Variants in CDK13 observed in about 807,000 individuals in gnomAD.
CDK13 encodes the protein cyclin-dependent kinase 13.
In CDK13, 40 loss-of-function variants were observed where a neutral mutation model predicts 137.6. That is an observed-to-expected ratio of 0.29 (90% CI 0.23 to 0.38). The LOEUF (loss-of-function observed/expected upper bound fraction) is 0.38. Ranked by LOEUF, CDK13 falls within the 10% of genes least tolerant of loss-of-function variation. CDK13 has a pLI of 1.00. For missense variants in CDK13, 1,704 were observed against 1,951.8 expected (o/e 0.87, Z 2.39); for synonymous variants, 869 against 760.1 (o/e 1.14, Z -2.36).
At chr7:40,027,655 C>CTTTTTTTTT in intron 5 of CDK13, among the ~76,000 whole-genome samples, 1 of 89,714 alleles carries the variant, frequency 1.1e-5, no homozygotes, top group Non-Finnish European at 2.1e-5. Flanking sequence ...CACCCTTGGG[C>CTTTTTTTTT]TTTTTTTTTT....
At chr7:39,987,211 C>G (rs937241855) in intron 1 of CDK13, 1 of 161,908 alleles carries the variant, frequency 6.2e-6, no homozygotes, top group Non-Finnish European at 1.3e-5. Flanking sequence ...TCTGAACTTA[C>G]AGTTGAGGAA....
intron 12 of CDK13, among the ~76,000 whole-genome samples, chr7:40,091,862 T>C (rs1786932161): frequency 6.6e-6 from 1 of 152,226 alleles, no homozygotes; most frequent in East Asian, 1.9e-4. Context: ...TCATCTGTGA[T>C]TATGGGAATT....
intron 5 of CDK13, among the ~76,000 whole-genome samples, chr7:40,036,798 A>T (rs1019589144): frequency 2.6e-5 from 4 of 152,094 alleles, no homozygotes; most frequent in African/African-American, 2.4e-5. Flanking sequence ...GAGACAATAG[A>T]TAATGAAATT....
intron 5 of CDK13, among the ~76,000 whole-genome samples, chr7:40,044,620 T>G (rs1436786962): frequency 6.6e-6 from 1 of 151,434 alleles, no homozygotes; most frequent in African/African-American, 2.4e-5. Context: ...CGCCCGGCTG[T>G]CTTTTGCTTT....
At chr7:40,044,000 G>T (rs1785676890) in intron 5 of CDK13, among the ~76,000 whole-genome samples, 1 of 150,824 alleles carries the variant, frequency 6.6e-6, no homozygotes, top group African/African-American at 2.4e-5. Context: ...TGGTTCAAGT[G>T]ATTCTTCTGC....
At chr7:40,028,807 A>G (rs752131562) in intron 5 of CDK13, among the ~76,000 whole-genome samples, 5 of 151,940 alleles carry the variant, frequency 3.3e-5, no homozygotes, top group Non-Finnish European at 5.9e-5. Context: ...TACTATGACC[A>G]CAGTAATGCA....
chr7:39,966,378 C>G (rs541898544), intron 1 of CDK13, among the ~76,000 whole-genome samples: 40 of 152,262 alleles, frequency 2.6e-4, no homozygotes, highest in Admixed American at 1.4e-3. Flanking sequence ...ATCACTGATA[C>G]CCTTTCTTCC....
chr7:40,049,411 T>C (rs915787967), intron 7 of CDK13, among the ~76,000 whole-genome samples: 4 of 151,510 alleles, frequency 2.6e-5, no homozygotes, highest in African/African-American at 9.7e-5. Flanking sequence ...ATGAGTGTTT[T>C]TTTTTTTTTG....
intron 1 of CDK13, among the ~76,000 whole-genome samples, chr7:39,987,388 C>T (rs981265346): frequency 3.3e-5 from 5 of 152,024 alleles, no homozygotes; most frequent in East Asian, 1.9e-4. Context: ...TAGACCAGAG[C>T]GAGATCAGGG....
At chr7:40,005,227 T>A (rs551861165) in intron 5 of CDK13, among the ~76,000 whole-genome samples, 98 of 151,550 alleles carry the variant, frequency 6.5e-4, no homozygotes, top group Non-Finnish European at 1.2e-3. Context: ...AACTTAGCTT[T>A]ACTTAAAAAT....
At chr7:40,007,239 C>G (rs915600126) in intron 5 of CDK13, among the ~76,000 whole-genome samples, 21 of 152,192 alleles carry the variant, frequency 1.4e-4, no homozygotes, top group Admixed American at 7.2e-4. Flanking sequence ...TCCTAAAAAT[C>G]AAGAAGACAG....
chr7:40,095,070 A>G lies in CDK13; in HGVS notation c.*90A>G, dbSNP rs189992208. On this transcript the variant is annotated 3_prime_UTR_variant, in exon 14 of 14. Transcript: ENST00000181839. ...CAGCAATCCAAGAGACTTGAATAAT[A>G]ATAATTCAACAACAGCTTTATTTTT... is the stretch of plus-strand genomic sequence containing the variant. 2 of 1,129,300 alleles carry G rather than the reference A, an allele frequency of 1.8e-6. No homozygotes were observed. Among genetic ancestry groups the G allele is most frequent in the Admixed American group, 3.0e-5 (1 of 33,468 alleles). The allele number at this position is 1,129,300 out of a possible 1,614,324, so 70.0% of individuals were successfully genotyped here. A position where few individuals can be genotyped will look rare whatever the true frequency, so the allele number is the denominator to read the frequency against.
At chr7:40,069,263 TAAA>T (rs1481685067) in intron 9 of CDK13, 1 of 446,948 alleles carries the variant, frequency 2.2e-6, no homozygotes, top group Admixed American at 2.6e-5. Context: ...CAACAAAACA[TAAA>T]AAGATGCTTC....
rs548518221 is a variant in CDK13 at position 39,963,816 on chromosome 7, GT to G, written c.1211+11969del. ...TCCATCAATACCTAATTTATTGAGA[GT>G]TTTTAGCATGAAGCATTGTTGAATT... On this transcript the variant is annotated intron_variant, in intron 1 of 13. Coordinates refer to ENST00000181839, the MANE Select transcript of CDK13 (RefSeq NM_003718.5). Among the ~76,000 whole-genome samples, 389 of 152,202 alleles carry G rather than the reference GT, an allele frequency of 2.6e-3. 2 individuals are homozygous for G. The highest frequency in any genetic ancestry group is 4.4e-3 in the Non-Finnish European group (296 of 68,026).
chr7:39,956,915 T>G (rs1163807899), intron 1 of CDK13, among the ~76,000 whole-genome samples: 3 of 151,842 alleles, frequency 2.0e-5, no homozygotes, highest in Non-Finnish European at 4.4e-5. Context: ...GTTCCATCAG[T>G]TAATGCCTTT....
At chr7:40,017,412 T>G (rs1042163674) in intron 5 of CDK13, among the ~76,000 whole-genome samples, 2 of 152,146 alleles carry the variant, frequency 1.3e-5, no homozygotes, top group African/African-American at 4.8e-5. Flanking sequence ...TTTTTTTACA[T>G]TCTAATAAAA....
chr7:39,971,595 T>TA (rs879479421), intron 1 of CDK13, among the ~76,000 whole-genome samples: 77 of 145,718 alleles, frequency 5.3e-4, no homozygotes, highest in Middle Eastern at 3.6e-3. Flanking sequence ...TGCTTTGGAT[T>TA]AAAAAAAAAA....
At chr7:39,973,662 G>C (rs1208608137) in intron 1 of CDK13, among the ~76,000 whole-genome samples, 1 of 152,078 alleles carries the variant, frequency 6.6e-6, no homozygotes, top group South Asian at 2.1e-4. Flanking sequence ...AATCTAAGAA[G>C]GCTTTGCCTA....
intron 1 of CDK13, among the ~76,000 whole-genome samples, chr7:39,954,441 C>CTG (rs1787341509): frequency 6.6e-6 from 1 of 152,152 alleles, no homozygotes; most frequent in South Asian, 2.1e-4. Context: ...GAATGGACTG[C>CTG]TGTGAGTTCC....
Sources: gnomAD v4.1 joint callset for allele counts (sites outside exome capture counted in the v4.1 genomes callset) on GRCh38, gnomAD v4.1.1 for gene constraint, MANE v1.5 for transcripts, NCBI Gene and HGNC (gene_info 2026-07-23, HGNC 2026-07-21) for gene names.